GUCY1B1: variants seen among roughly 807,000 people sequenced by gnomAD.
GUCY1B1 encodes guanylate cyclase soluble subunit beta-1.
In GUCY1B1, 43 loss-of-function variants were observed where a neutral mutation model predicts 71.0. The observed-to-expected ratio is 0.61, with a 90% CI of 0.47 to 0.78. The LOEUF is 0.78. GUCY1B1 is among the 30% of genes least tolerant of loss of function. GUCY1B1 has a pLI of 0.00. For missense variants in GUCY1B1, 535 were observed against 754.1 expected (o/e 0.71, Z 3.40); for synonymous variants, 266 against 259.7 (o/e 1.02, Z -0.23).
chr4:155,763,066 T>A (rs1737106936), intron 2 of GUCY1B1, among the ~76,000 whole-genome samples: 2 of 152,034 alleles, frequency 1.3e-5, no homozygotes, highest in African/African-American at 4.8e-5. Context: ...AAGTTAGGAG[T>A]GATACATCCT....
At chr4:155,762,698 G>A (rs191173100) in intron 2 of GUCY1B1, among the ~76,000 whole-genome samples, 1 of 152,314 alleles carries the variant, frequency 6.6e-6, no homozygotes, top group Non-Finnish European at 1.5e-5. Flanking sequence ...TTCTCTTAAA[G>A]GGCCAGATAG....
chr4:155,769,703 A>AT (rs1463576932), intron 2 of GUCY1B1, among the ~76,000 whole-genome samples: 1 of 152,134 alleles, frequency 6.6e-6, no homozygotes, highest in Non-Finnish European at 1.5e-5. Flanking sequence ...TTTATATGAT[A>AT]TTTTTTGTCA....
intron 4 of GUCY1B1, among the ~76,000 whole-genome samples, chr4:155,778,433 T>G (rs1450722783): frequency 2.0e-5 from 3 of 152,208 alleles, no homozygotes; most frequent in South Asian, 2.1e-4. Context: ...ACTGGCTGCT[T>G]TCAGCAGCCA....
Position 155,794,105 on chromosome 4 carries a change from TC to T in GUCY1B1, c.726+21del. The T allele has an allele frequency of 7.5e-7, 1 of 1,341,594 alleles. No homozygotes were observed. The highest frequency in any genetic ancestry group is 1.1e-6 in the Non-Finnish European group (1 of 935,742). 83.1% of individuals were successfully genotyped at this position (1,341,594 alleles called of 1,614,324 possible). A position where few individuals can be genotyped will look rare whatever the true frequency, so the allele number is the denominator to read the frequency against. ...CCCCCAGGTAAAATGACAGCATACT[TC>T]CTTGGGGCCTGAGACAAAAGCCCAT... On this transcript the variant is annotated intron_variant, in intron 6 of 13. Transcript: ENST00000264424.
At chr4:155,786,648 TTC>T (rs1491348136) in intron 4 of GUCY1B1, among the ~76,000 whole-genome samples, 6 of 152,016 alleles carry the variant, frequency 3.9e-5, no homozygotes, top group Middle Eastern at 3.4e-3. Flanking sequence ...TTCTTTTTTT[TTC>T]TCTTAGTAGA....
In GUCY1B1 at chr4:155,802,661, GCT is replaced by G; in HGVS notation, c.1413+87_1413+88del. Reference sequence around the variant, plus strand: ...CCCCTCCAGAGGCCATGTCATCACAGCTCTCTGACTCCAGCACTGCAGCCTTG... The same window carrying G: ...CCCCTCCAGAGGCCATGTCATCACAGCTCTGACTCCAGCACTGCAGCCTTG... On this transcript the variant is annotated intron_variant, in intron 10 of 13. Transcript: ENST00000264424. This position sits in a 1 kb window ranked among gnomAD's most constrained non-coding sequence, Gnocchi z 4.3. The G allele has an allele frequency of 2.5e-6, 3 of 1,223,610 alleles. No individual in the cohort carries two copies. Among genetic ancestry groups the G allele is most frequent in the Non-Finnish European group, 3.4e-6 (3 of 885,442 alleles). 75.8% of individuals were successfully genotyped at this position (1,223,610 alleles called of 1,614,324 possible). A position where few individuals can be genotyped will look rare whatever the true frequency, so the allele number is the denominator to read the frequency against.
At chr4:155,770,830 A>G (rs1737648199) in intron 2 of GUCY1B1, among the ~76,000 whole-genome samples, 1 of 152,154 alleles carries the variant, frequency 6.6e-6, no homozygotes, top group African/African-American at 2.4e-5. Flanking sequence ...TCATATGTAT[A>G]CTGCATCCAG....
chr4:155,804,191 C>T (rs535946143), intron 11 of GUCY1B1, among the ~76,000 whole-genome samples: 1 of 152,248 alleles, frequency 6.6e-6, no homozygotes, highest in Admixed American at 6.5e-5. Flanking sequence ...ATAGACATCT[C>T]TTACGATGTT....
At chr4:155,787,302 A>G (rs1372286908) in intron 4 of GUCY1B1, among the ~76,000 whole-genome samples, 1 of 152,196 alleles carries the variant, frequency 6.6e-6, no homozygotes, top group Non-Finnish European at 1.5e-5. Flanking sequence ...TGGCAATAGC[A>G]GCCTCTAGAG....
At chr4:155,761,701 G>C (rs1168032107) in intron 2 of GUCY1B1, among the ~76,000 whole-genome samples, 1 of 152,182 alleles carries the variant, frequency 6.6e-6, no homozygotes, top group Non-Finnish European at 1.5e-5. Context: ...ATTTAACTCT[G>C]CAAAATCAAG....
chr4:155,770,737 A>G (rs1193965918), intron 2 of GUCY1B1, among the ~76,000 whole-genome samples: 3 of 152,156 alleles, frequency 2.0e-5, no homozygotes, highest in Non-Finnish European at 4.4e-5. Flanking sequence ...TAAGGTGGTA[A>G]GGATGGAGGT....
At chr4:155,759,366 C>G (rs1282831326) in intron 1 of GUCY1B1, 1 of 555,142 alleles carries the variant, frequency 1.8e-6, no homozygotes, top group Non-Finnish European at 3.1e-6. Context: ...GCGGGTTTGC[C>G]GCTCCACACC....
Position 155,802,720 on chromosome 4 carries a change from A to C in GUCY1B1, c.1413+141A>C. On this transcript the variant is annotated intron_variant, in intron 10 of 13. Coordinates refer to ENST00000264424, the MANE Select transcript of GUCY1B1 (RefSeq NM_000857.5). The surrounding 1 kb of genome is among the most constrained non-coding windows in gnomAD (Gnocchi z 4.3). ...GTGAGCCTCCATGTATTCACTCTTTACCATGTTCTTAAATAATTGCCTCTT... is the reference window on the plus strand; with the variant it reads ...GTGAGCCTCCATGTATTCACTCTTTCCCATGTTCTTAAATAATTGCCTCTT... The C allele has an allele frequency of 1.6e-6, 1 of 644,188 alleles. No homozygotes were observed. 39.9% of individuals were successfully genotyped at this position (644,188 alleles called of 1,614,324 possible). A position where few individuals can be genotyped will look rare whatever the true frequency, so the allele number is the denominator to read the frequency against.
At chr4:155,788,241 T>C (rs1438513852) in intron 4 of GUCY1B1, among the ~76,000 whole-genome samples, 1 of 152,232 alleles carries the variant, frequency 6.6e-6, no homozygotes, top group South Asian at 2.1e-4. Flanking sequence ...ATTCAAGTAT[T>C]GACAGAATTC....
At position 155,807,591 on chromosome 4, in the gene GUCY1B1, GTC is replaced by G. The variant is rs2111196076; in HGVS notation, c.*1186_*1187del. On this transcript the variant is annotated 3_prime_UTR_variant, in exon 14 of 14. Coordinates refer to ENST00000264424, the MANE Select transcript of GUCY1B1 (RefSeq NM_000857.5). Reference sequence around the variant, plus strand: ...CTGTAATAAATTATTTTTTTCACGTGTCTCTATACAGTTTTTATTTCAATAAA... The same window carrying G: ...CTGTAATAAATTATTTTTTTCACGTGTCTATACAGTTTTTATTTCAATAAA... 6.6e-6 allele frequency: 1 copy of G among 151,902 alleles called. No homozygotes were observed. The highest frequency in any genetic ancestry group is 2.1e-4 in the South Asian group (1 of 4,820). 9.4% of individuals were successfully genotyped at this position (151,902 alleles called of 1,614,324 possible).
intron 3 of GUCY1B1, 149 bp from the exon 4 acceptor site, chr4:155,777,374 TG>T: frequency 1.6e-6 from 1 of 608,488 alleles, no homozygotes; most frequent in Non-Finnish European, 2.9e-6. Context: ...TGTATTGTCC[TG>T]GCGGGATTTT....
chr4:155,761,190 T>C (rs2110954688), intron 2 of GUCY1B1, among the ~76,000 whole-genome samples: 1 of 152,326 alleles, frequency 6.6e-6, no homozygotes, highest in African/African-American at 2.4e-5. Context: ...CAAAAGTTAC[T>C]TTAGGATTTG....
At chr4:155,777,381 AT>A (rs1310310592) in intron 3 of GUCY1B1, 142 bp from the exon 4 acceptor site, 2 of 609,228 alleles carry the variant, frequency 3.3e-6, no homozygotes, top group African/African-American at 3.7e-5. Context: ...TCCTGGCGGG[AT>A]TTTTTTCATA....
At chr4:155,787,720 TTGAG>T (rs1738892619) in intron 4 of GUCY1B1, among the ~76,000 whole-genome samples, 1 of 152,160 alleles carries the variant, frequency 6.6e-6, no homozygotes, top group Non-Finnish European at 1.5e-5. Flanking sequence ...GAATGCATGA[TTGAG>T]TGGATGTGTG....
Sources: gnomAD v4.1 joint callset for allele counts (sites outside exome capture counted in the v4.1 genomes callset) on GRCh38, gnomAD v4.1.1 for gene constraint, Gnocchi (gnomAD v3.1) non-coding constraint, MANE v1.5 for transcripts, NCBI Gene and HGNC (gene_info 2026-07-23, HGNC 2026-07-21) for gene names.